The following GPR155 variants were observed in gnomAD, a reference collection of about 807,000 sequenced individuals.
GPR155 encodes the protein G protein-coupled receptor 155, also known as lysosomal cholesterol signaling protein.
GPR155 carries 65 observed loss-of-function variants against 93.1 expected under a neutral mutation model. That is an observed-to-expected ratio of 0.70 (90% CI 0.57 to 0.86). GPR155 has a LOEUF of 0.86. GPR155 is among the 40% of genes least tolerant of loss of function. GPR155 has a pLI of 0.00. For synonymous variants in GPR155, 319 were observed against 360.1 expected (o/e 0.89, Z 1.29); for missense variants, 838 against 1,034.8 (o/e 0.81, Z 2.61).
At chr2:174,437,472 T>A (rs1055141030) in intron 15 of GPR155, among the ~76,000 whole-genome samples, 12 of 152,312 alleles carry the variant, frequency 7.9e-5, no homozygotes, top group African/African-American at 2.9e-4. Flanking sequence ...GTTATCTTAA[T>A]TTATGCCTTG....
chr2:174,445,203 T>C, intron 12 of GPR155, 27 bp from the exon 13 acceptor site: 1 of 1,191,648 alleles, frequency 8.4e-7, no homozygotes, highest in Admixed American at 1.7e-5. Context: ...AAAGAGTATT[T>C]TAAAATCAAG....
At chr2:174,461,543 T>C (rs377548145) in intron 8 of GPR155, 45 bp downstream of exon 8, 3 of 1,550,572 alleles carry the variant, frequency 1.9e-6, no homozygotes, top group Non-Finnish European at 2.7e-6. Context: ...GAATAGTAAC[T>C]GTCTATATGG....
intron 2 of GPR155, among the ~76,000 whole-genome samples, chr2:174,478,543 C>T (rs1321026077): frequency 6.6e-6 from 1 of 152,178 alleles, no homozygotes; most frequent in Non-Finnish European, 1.5e-5. Flanking sequence ...GCAACATGCA[C>T]TATTCTGTTA....
In GPR155 at chr2:174,441,588, C is replaced by A. The variant is rs574887418; in HGVS notation, c.2174+531G>T. On this transcript the variant is annotated intron_variant, in intron 14 of 15. Transcript: ENST00000392552. ...CTAATGCTATCCCTCCCACCTTACC[C>A]TACCCCACGACAGGCCCCGGTGTGT... 9.7e-4 allele frequency among the ~76,000 whole-genome samples: 147 copies of A among 152,222 alleles called. 2 individuals are homozygous for A. In the East Asian group the frequency reaches 0.027, roughly 28 times the overall value.
chr2:174,445,347 CTCT>C, intron 12 of GPR155, 171 bp from the exon 13 acceptor site: 2 of 556,700 alleles, frequency 3.6e-6, no homozygotes, highest in Non-Finnish European at 6.3e-6. Flanking sequence ...AAGTTTCAAC[CTCT>C]CCTCCTGACA....
chr2:174,439,882 C>A lies in GPR155; in HGVS notation c.2312+16G>T. On this transcript the variant is annotated intron_variant, in intron 15 of 15. Transcript: ENST00000392552. ...AAAATATAATTGTCTAGAACCTGTA[C>A]TGGCACTTTGCTTACCTTCTTTCTT... 1 of 1,606,110 alleles carries A rather than the reference C, an allele frequency of 6.2e-7. No individual in the cohort carries two copies. Among genetic ancestry groups the A allele is most frequent in the South Asian group, 1.1e-5 (1 of 90,606 alleles).
chr2:174,465,269 C>G (rs1176790050), intron 7 of GPR155, among the ~76,000 whole-genome samples: 2 of 152,092 alleles, frequency 1.3e-5, no homozygotes, highest in East Asian at 3.8e-4. Context: ...TTATTTAGTG[C>G]CTACCATGTA....
intron 3 of GPR155, among the ~76,000 whole-genome samples, chr2:174,471,394 CAAAAAAAAAA>C (rs1156941389): frequency 1.8e-4 from 8 of 43,484 alleles, no homozygotes; most frequent in Non-Finnish European, 3.7e-4. Flanking sequence ...GACTCTGTCT[CAAAAAAAAAA>C]AAAAAAAAAA....
At position 174,470,494 on chromosome 2, in the gene GPR155, C is replaced by T; in HGVS notation, c.922G>A (p.Val308Met). 2.5e-6 allele frequency: 4 copies of T among 1,613,908 alleles called. No individual in the cohort carries two copies. Among genetic ancestry groups the T allele is most frequent in the Non-Finnish European group, 3.4e-6 (4 of 1,179,896 alleles). ...VELLDKGDSV[V>M]NHTSLSNYAF... ...TAATTTGATAAACTTGTATGGTTCACCACACTGTCGCCCTTGTCCAAGAGT... is the reference window on the plus strand; with the variant it reads ...TAATTTGATAAACTTGTATGGTTCATCACACTGTCGCCCTTGTCCAAGAGT... Residue 308 changes from valine (V) to methionine (M), a missense_variant, in exon 4 of 16, where the codon GTG (valine) becomes ATG (methionine). Val to Met is a conservative substitution (Grantham distance 21). This residue lies in a region of GPR155 where 663 missense variants were observed against 790.1 expected (regional missense o/e 0.84). Coordinates refer to ENST00000392552, the MANE Select transcript of GPR155 (RefSeq NM_152529.7).
At chr2:174,461,794 T>C (rs1687705870) in intron 7 of GPR155, 122 bp from the exon 8 acceptor site, 2 of 614,618 alleles carry the variant, frequency 3.3e-6, no homozygotes, top group Non-Finnish European at 5.8e-6. Flanking sequence ...GTTTTTGCTT[T>C]AGAATTTCTT....
chr2:174,468,014 G>A (rs182783885), intron 5 of GPR155, among the ~76,000 whole-genome samples: 30 of 152,334 alleles, frequency 2.0e-4, no homozygotes, highest in African/African-American at 7.2e-4. Context: ...GGGATTACAG[G>A]CATGAGCCAC....
At position 174,486,720 on chromosome 2, in the gene GPR155, G is replaced by A. The variant is rs545726553; in HGVS notation, c.-32+153C>T. Among the ~76,000 whole-genome samples, 150 of 152,270 alleles carry A rather than the reference G, an allele frequency of 9.9e-4. 1 individual carries two copies. The highest frequency in any genetic ancestry group is 3.9e-3 in the Admixed American group (59 of 15,304). Reference sequence around the variant, plus strand: ...CCACAGGCAGGCGCTGCGGGGCAGAGACAGCAGGTCCAGACAACGGGCCGC... The same window carrying A: ...CCACAGGCAGGCGCTGCGGGGCAGAAACAGCAGGTCCAGACAACGGGCCGC... On this transcript the variant is annotated intron_variant, in intron 1 of 15. Transcript: ENST00000392552.
chr2:174,484,073 G>A (rs1423507752), intron 1 of GPR155, among the ~76,000 whole-genome samples: 2 of 152,194 alleles, frequency 1.3e-5, no homozygotes, highest in Non-Finnish European at 2.9e-5. Flanking sequence ...GCTGGCGTGG[G>A]TACAAGGGAA....
chr2:174,436,135 G>A lies in GPR155; in HGVS notation c.2594C>T (p.Ser865Leu). 6.2e-7 allele frequency: 1 copy of A among 1,613,326 alleles called. No individual in the cohort carries two copies. The highest frequency in any genetic ancestry group is 8.5e-7 in the Non-Finnish European group (1 of 1,179,292). ...CATAATTTAGGTCTTAGGGGAATGT[G>A]AGGGTGGGGATGAATGCTCAATTTC... ...YKEIEHSSPP[S>L]HSPKT Residue 865 changes from serine to leucine, a missense_variant, in exon 16 of 16, where the codon TCA (serine) becomes TTA (leucine). Physicochemically the swap from Ser to Leu is moderately radical, Grantham distance 145. Transcript: ENST00000392552.
At position 174,461,561 on chromosome 2, in the gene GPR155, T is replaced by C. The variant is rs769598840; in HGVS notation, c.1469+27A>G. ...TAGTAACTGTCTATATGGAAAGGTGTAAGCAAACAGAGAACTACCAACTTA... is the reference window on the plus strand; with the variant it reads ...TAGTAACTGTCTATATGGAAAGGTGCAAGCAAACAGAGAACTACCAACTTA... On this transcript the variant is annotated intron_variant, in intron 8 of 15. Coordinates refer to ENST00000392552, the MANE Select transcript of GPR155 (RefSeq NM_152529.7). The C allele has an allele frequency of 2.6e-6, 4 of 1,566,060 alleles. No homozygotes were observed. The African/African-American group carries it at 5.4e-5, about 21-fold the overall frequency.
chr2:174,439,507 C>T (rs1686890093), intron 15 of GPR155, among the ~76,000 whole-genome samples: 1 of 152,052 alleles, frequency 6.6e-6, no homozygotes, highest in Admixed American at 6.6e-5. Context: ...TTGACAAATA[C>T]ATTTGTCAAG....
intron 13 of GPR155, among the ~76,000 whole-genome samples, chr2:174,443,271 G>T (rs1687019738): frequency 6.6e-6 from 1 of 152,024 alleles, no homozygotes; most frequent in Admixed American, 6.6e-5. Flanking sequence ...TGTAAATATT[G>T]TAAGAAATTA....
Position 174,435,896 on chromosome 2 carries a change from G to T in GPR155, c.*220C>A. The T allele has an allele frequency of 3.8e-6, 2 of 521,734 alleles. No homozygotes were observed. The highest frequency in any genetic ancestry group is 3.4e-5 in the Admixed American group (1 of 29,518). The allele number at this position is 521,734 out of a possible 1,614,324, so 32.3% of individuals were successfully genotyped here. ...ATATTCATTATCAGAACTTTAATTT[G>T]GTTTTCTCTTTTTCCTAAGTCAGCT... is the stretch of plus-strand genomic sequence containing the variant. On this transcript the variant is annotated 3_prime_UTR_variant, in exon 16 of 16. Coordinates refer to ENST00000392552, the MANE Select transcript of GPR155 (RefSeq NM_152529.7).
At chr2:174,469,405 G>A (rs1687930729) in intron 4 of GPR155, among the ~76,000 whole-genome samples, 1 of 151,816 alleles carries the variant, frequency 6.6e-6, no homozygotes, top group South Asian at 2.1e-4. Context: ...AAACTATGTG[G>A]CAAAAAAGAA....
Sources: gnomAD v4.1 joint callset for allele counts (sites outside exome capture counted in the v4.1 genomes callset) on GRCh38, gnomAD v4.1.1 for gene constraint, gnomAD v4.1.1 regional missense constraint, MANE v1.5 for transcripts, NCBI Gene and HGNC (gene_info 2026-07-23, HGNC 2026-07-21) for gene names.